ADK: variants seen among roughly 807,000 people sequenced by gnomAD.
ADK encodes the protein adenosine kinase, also known as N6,N6-dimethyladenosine kinase.
In ADK, 24 loss-of-function variants were observed where a neutral mutation model predicts 44.7. The ratio of observed to expected loss-of-function variants is 0.54; its 90% CI spans 0.39 to 0.76. The LOEUF is 0.76. Ranked by LOEUF, ADK falls within the 30% of genes least tolerant of loss-of-function variation. The pLI, the probability that ADK is intolerant of heterozygous loss-of-function variation, is 0.00. For synonymous variants in ADK, 128 were observed against 142.6 expected (o/e 0.90, Z 0.73); for missense variants, 321 against 425.1 (o/e 0.76, Z 2.15).
intron 4 of ADK, among the ~76,000 whole-genome samples, chr10:74,375,917 CTGT>C (rs1310596167): frequency 2.6e-5 from 4 of 151,648 alleles, no homozygotes; most frequent in African/African-American, 7.3e-5. Flanking sequence ...GTTGTTGCTG[CTGT>C]TGTTGTTTTT....
intron 2 of ADK, among the ~76,000 whole-genome samples, chr10:74,218,939 A>G (rs369084791): frequency 0.049 from 7,514 of 152,106 alleles, 645 homozygotes; most frequent in African/African-American, 0.17. Context: ...GACCATCAAG[A>G]CTAGGAAGAA....
chr10:74,269,913 G>A (rs548418779), intron 3 of ADK, among the ~76,000 whole-genome samples: 2 of 152,186 alleles, frequency 1.3e-5, no homozygotes, highest in East Asian at 1.9e-4. Context: ...CAGGAGAATC[G>A]CTTGAACCCA....
At chr10:74,489,120 G>A (rs186549163) in intron 6 of ADK, among the ~76,000 whole-genome samples, 27 of 151,982 alleles carry the variant, frequency 1.8e-4, no homozygotes, top group African/African-American at 6.5e-4. Flanking sequence ...GACTGGACAG[G>A]CTTTGAGTAG....
At chr10:74,699,415 C>T (rs1354242377) in intron 10 of ADK, among the ~76,000 whole-genome samples, 2 of 151,984 alleles carry the variant, frequency 1.3e-5, no homozygotes, top group Non-Finnish European at 1.5e-5. Context: ...TGGTGGCTCA[C>T]ACCTATAATC....
At chr10:74,650,977 A>G (rs1854245429) in intron 9 of ADK, among the ~76,000 whole-genome samples, 1 of 152,226 alleles carries the variant, frequency 6.6e-6, no homozygotes, top group South Asian at 2.1e-4. Context: ...TAGTTGTTCA[A>G]CATAACCAGC....
intron 6 of ADK, among the ~76,000 whole-genome samples, chr10:74,442,802 A>G (rs1845469072): frequency 2.0e-5 from 3 of 152,238 alleles, no homozygotes; most frequent in Non-Finnish European, 4.4e-5. Flanking sequence ...AAGTATATGT[A>G]TATATAAACA....
chr10:74,158,746 A>G (rs1841819324), intron 1 of ADK, among the ~76,000 whole-genome samples: 2 of 152,200 alleles, frequency 1.3e-5, no homozygotes, highest in Admixed American at 6.5e-5. Context: ...CAGGAACAAT[A>G]ATTTCTCATC....
chr10:74,335,888 A>G (rs1321426489), intron 4 of ADK, among the ~76,000 whole-genome samples: 1 of 152,116 alleles, frequency 6.6e-6, no homozygotes, highest in Non-Finnish European at 1.5e-5. Flanking sequence ...TATTTTTGTT[A>G]CAGAGTTTTG....
chr10:74,552,272 G>A (rs1850061785), intron 7 of ADK, among the ~76,000 whole-genome samples: 1 of 151,952 alleles, frequency 6.6e-6, no homozygotes, highest in South Asian at 2.1e-4. Context: ...AAAAAGTGGT[G>A]GATAAACCTA....
chr10:74,560,679 G>A (rs1850427802), intron 7 of ADK, among the ~76,000 whole-genome samples: 1 of 152,136 alleles, frequency 6.6e-6, no homozygotes, highest in Non-Finnish European at 1.5e-5. Flanking sequence ...GCTAAAATGT[G>A]TACATTTTTC....
At chr10:74,253,748 A>G (rs117686773) in intron 3 of ADK, among the ~76,000 whole-genome samples, 1 of 148,886 alleles carries the variant, frequency 6.7e-6, no homozygotes, top group African/African-American at 2.5e-5. Context: ...TAAAGCTGAT[A>G]TAAACTCTCT....
At chr10:74,381,410 A>G (rs1175682044) in intron 4 of ADK, among the ~76,000 whole-genome samples, 2 of 152,230 alleles carry the variant, frequency 1.3e-5, no homozygotes, top group African/African-American at 2.4e-5. Flanking sequence ...TTAAATGCTT[A>G]CTAACTCAGG....
intron 4 of ADK, chr10:74,372,106 A>T (rs1453545648): frequency 4.0e-6 from 3 of 750,390 alleles, no homozygotes; most frequent in Non-Finnish European, 7.3e-6. Flanking sequence ...ACCATTTCCC[A>T]TGAACACCCA....
chr10:74,492,262 A>G (rs987633451), intron 6 of ADK, among the ~76,000 whole-genome samples: 2 of 152,132 alleles, frequency 1.3e-5, no homozygotes, highest in Admixed American at 6.6e-5. Flanking sequence ...AATACCCTTC[A>G]TGGCAAAAGA....
At chr10:74,585,200 C>A (rs1851491309) in intron 7 of ADK, among the ~76,000 whole-genome samples, 1 of 152,088 alleles carries the variant, frequency 6.6e-6, no homozygotes, top group African/African-American at 2.4e-5. Flanking sequence ...TGTTGTTTTA[C>A]CCTGGTTGCT....
chr10:74,671,978 T>C (rs1855205487), intron 10 of ADK, among the ~76,000 whole-genome samples: 1 of 152,164 alleles, frequency 6.6e-6, no homozygotes, highest in Non-Finnish European at 1.5e-5. Flanking sequence ...GTAGACTTTT[T>C]GAGGGAGGGA....
chr10:74,653,246 G>C (rs539606482), intron 9 of ADK, among the ~76,000 whole-genome samples: 12 of 152,198 alleles, frequency 7.9e-5, no homozygotes, highest in African/African-American at 2.6e-4. Context: ...GAGGTCAGGA[G>C]TTCAAGACCA....
intron 7 of ADK, among the ~76,000 whole-genome samples, chr10:74,531,865 G>A (rs1417947987): frequency 1.3e-5 from 2 of 152,142 alleles, no homozygotes; most frequent in East Asian, 3.8e-4. Context: ...TCAGAAAGAT[G>A]TAGTACCAAT....
At chr10:74,701,411 T>G (rs1856412554) in intron 10 of ADK, among the ~76,000 whole-genome samples, 1 of 152,188 alleles carries the variant, frequency 6.6e-6, no homozygotes. Context: ...ACCCAGATCT[T>G]GGTCTCTAAT....
Sources: allele counts gnomAD v4.1 joint callset (sites outside exome capture counted in the v4.1 genomes callset), GRCh38; gene constraint gnomAD v4.1.1; transcripts MANE v1.5; gene names NCBI Gene and HGNC (gene_info 2026-07-23, HGNC 2026-07-21).